The following SH3RF3 variants were observed in gnomAD, a reference collection of about 807,000 sequenced individuals.
SH3RF3 encodes E3 ubiquitin-protein ligase SH3RF3.
A neutral mutation model predicts 66.3 loss-of-function variants in SH3RF3; 29 were observed. That is an observed-to-expected ratio of 0.44 (90% CI 0.33 to 0.60). SH3RF3 has a LOEUF of 0.60. Ranked by LOEUF, SH3RF3 falls within the 20% of genes least tolerant of loss-of-function variation. SH3RF3 has a pLI of 0.04. For synonymous variants in SH3RF3, 583 were observed against 532.0 expected (o/e 1.10, Z -1.32); for missense variants, 1,194 against 1,190.9 (o/e 1.00, Z -0.04).
chr2:109,481,037 T>C (rs1678822053), intron 8 of SH3RF3, among the ~76,000 whole-genome samples: 1 of 152,024 alleles, frequency 6.6e-6, no homozygotes, highest in Non-Finnish European at 1.5e-5. Context: ...AGGACACCGA[T>C]AGGGAAACAG....
At chr2:109,484,349 G>C (rs1250268536) in intron 8 of SH3RF3, among the ~76,000 whole-genome samples, 5 of 152,142 alleles carry the variant, frequency 3.3e-5, no homozygotes, top group Non-Finnish European at 7.4e-5. Flanking sequence ...TTACAGGCAT[G>C]AGCCACCCTG....
At chr2:109,165,034 C>T (rs975944689) in intron 1 of SH3RF3, among the ~76,000 whole-genome samples, 6 of 152,200 alleles carry the variant, frequency 3.9e-5, no homozygotes, top group African/African-American at 7.2e-5. Flanking sequence ...GTTTCCTTCA[C>T]GGAATCATTT....
At chr2:109,490,519 A>G (rs1351251436) in intron 8 of SH3RF3, 86 bp from the exon 9 acceptor site, 16 of 1,107,966 alleles carry the variant, frequency 1.4e-5, no homozygotes, top group Non-Finnish European at 1.9e-5. Flanking sequence ...AAAGTTCCAC[A>G]TAGGAAGATG....
chr2:109,471,134 AC>A (rs1678492133), intron 8 of SH3RF3, among the ~76,000 whole-genome samples: 1 of 144,532 alleles, frequency 6.9e-6, no homozygotes, highest in Admixed American at 7.2e-5. Flanking sequence ...AATCACTTGA[AC>A]CCAGGGGGCA....
At chr2:109,473,799 C>T (rs546985322) in intron 8 of SH3RF3, among the ~76,000 whole-genome samples, 2 of 151,678 alleles carry the variant, frequency 1.3e-5, no homozygotes, top group Non-Finnish European at 2.9e-5. Context: ...CTGAGCCCCC[C>T]GTGCACAGCC....
In SH3RF3 at chr2:109,490,881, G is replaced by T; in HGVS notation, c.2425G>T (p.Ala809Ser). ...AAACTTCACATCTCCTTCCCGGCAA[G>T]CTCCGCTGTCCATGGCTGCCATCCG... ...DLNFTSPSRQAPLSMAAIRPE... is the reference protein window; with the variant it reads ...DLNFTSPSRQSPLSMAAIRPE... The change falls in exon 9 of 10, where the codon GCT (alanine) becomes TCT (serine). Residue 809 changes from alanine (A) to serine (S), a missense_variant. Ala to Ser is a moderately conservative substitution (Grantham distance 99). Transcript: ENST00000309415. 1.3e-6 allele frequency: 2 copies of T among 1,532,066 alleles called. No homozygotes were observed. The highest frequency in any genetic ancestry group is 2.4e-5 in the South Asian group (2 of 83,582). 94.9% of individuals were successfully genotyped at this position (1,532,066 alleles called of 1,614,324 possible). A position where few individuals can be genotyped will look rare whatever the true frequency, so the allele number is the denominator to read the frequency against.
intron 1 of SH3RF3, among the ~76,000 whole-genome samples, chr2:109,250,510 A>G (rs1680062763): frequency 6.6e-6 from 1 of 151,966 alleles, no homozygotes; most frequent in Admixed American, 6.6e-5. Context: ...TGGAATAATA[A>G]TGGACTGGAT....
At chr2:109,410,204 C>T (rs1215222465) in intron 4 of SH3RF3, among the ~76,000 whole-genome samples, 1 of 152,236 alleles carries the variant, frequency 6.6e-6, no homozygotes, top group African/African-American at 2.4e-5. Context: ...TTGCTGACAC[C>T]AGGCTTCCAA....
At chr2:109,278,322 T>C (rs1362650026) in intron 1 of SH3RF3, among the ~76,000 whole-genome samples, 1 of 152,236 alleles carries the variant, frequency 6.6e-6, no homozygotes, top group African/African-American at 2.4e-5. Context: ...AGCAGCAGGC[T>C]GGTGCCCGTA....
At chr2:109,234,666 A>T (rs1359839594) in intron 1 of SH3RF3, among the ~76,000 whole-genome samples, 2 of 152,154 alleles carry the variant, frequency 1.3e-5, no homozygotes. Flanking sequence ...CTTCTTGTTG[A>T]TCTCACAGGG....
chr2:109,297,409 C>T (rs1037272488), intron 1 of SH3RF3, among the ~76,000 whole-genome samples: 5 of 152,078 alleles, frequency 3.3e-5, no homozygotes, highest in South Asian at 2.1e-4. Flanking sequence ...CCCACATAGC[C>T]GCCTGCAAGA....
chr2:109,249,467 C>CTCTCTCTTTCTT (rs1558981118), intron 1 of SH3RF3, among the ~76,000 whole-genome samples: 2 of 99,290 alleles, frequency 2.0e-5, no homozygotes, highest in Admixed American at 1.1e-4. Flanking sequence ...TTCTCTCTTT[C>CTCTCTCTTTCTT]TCTTTCTTTC....
chr2:109,480,201 A>G (rs1309954039), intron 8 of SH3RF3, among the ~76,000 whole-genome samples: 2 of 152,248 alleles, frequency 1.3e-5, no homozygotes, highest in Non-Finnish European at 2.9e-5. Context: ...CAACATCTGC[A>G]TGGCACCAAA....
chr2:109,352,640 C>CT (rs1230068711), intron 2 of SH3RF3, among the ~76,000 whole-genome samples: 1 of 152,356 alleles, frequency 6.6e-6, no homozygotes, highest in East Asian at 1.9e-4. Context: ...GCTTGGGCTA[C>CT]TTTACCCTGA....
chr2:109,452,295 A>G (rs1244176870), intron 8 of SH3RF3, among the ~76,000 whole-genome samples: 3 of 152,090 alleles, frequency 2.0e-5, no homozygotes, highest in Non-Finnish European at 4.4e-5. Context: ...CCACCCCTCC[A>G]TGACTACACT....
intron 1 of SH3RF3, among the ~76,000 whole-genome samples, chr2:109,255,988 T>G (rs1207537532): frequency 6.6e-6 from 1 of 152,204 alleles, no homozygotes; most frequent in Non-Finnish European, 1.5e-5. Flanking sequence ...CTGAGGAAGA[T>G]TCCCTGTGTG....
chr2:109,256,150 C>T (rs7581862), intron 1 of SH3RF3, among the ~76,000 whole-genome samples: 48,748 of 152,102 alleles, frequency 0.32, 8,587 homozygotes, highest in Non-Finnish European at 0.4. Context: ...GCCGCTGTGA[C>T]CCAGCACCTG....
intron 1 of SH3RF3, among the ~76,000 whole-genome samples, chr2:109,203,691 C>T (rs1167158006): frequency 6.6e-6 from 1 of 152,196 alleles, no homozygotes; most frequent in Non-Finnish European, 1.5e-5. Flanking sequence ...CCCTGCACTT[C>T]CACCCCCTGG....
intron 2 of SH3RF3, among the ~76,000 whole-genome samples, chr2:109,354,441 C>T (rs1682904363): frequency 6.6e-6 from 1 of 152,250 alleles, no homozygotes; most frequent in Admixed American, 6.5e-5. Flanking sequence ...GGCTGTGGGC[C>T]ACTCATGGCC....
Sources: gnomAD v4.1 joint callset for allele counts (sites outside exome capture counted in the v4.1 genomes callset) on GRCh38, gnomAD v4.1.1 for gene constraint, MANE v1.5 for transcripts, NCBI Gene and HGNC (gene_info 2026-07-23, HGNC 2026-07-21) for gene names.